Variants in CNKSR2 observed in about 807,000 individuals in gnomAD.
CNKSR2 encodes the protein connector enhancer of kinase suppressor of Ras 2, also known as CNK homolog protein 2.
CNKSR2 carries 14 observed loss-of-function variants against 84.4 expected under a neutral mutation model. The observed-to-expected ratio is 0.17, with a 90% confidence interval of 0.11 to 0.26. The LOEUF is 0.26. Among genes scored for constraint, CNKSR2 ranks in the 10% least tolerant of loss-of-function variants. The pLI is 1.00. For synonymous variants in CNKSR2, 275 were observed against 277.9 expected (o/e 0.99, Z 0.10); for missense variants, 485 against 771.2 (o/e 0.63, Z 4.40).
chrX:21,382,895 A>G (rs941316230), intron 1 of CNKSR2, among the ~76,000 whole-genome samples: 1 of 112,198 alleles, frequency 8.9e-6, no homozygotes, highest in African/African-American at 3.2e-5. Context: ...TTAAGAACAT[A>G]CGTACAGAAT....
chrX:21,443,502 G>A lies in CNKSR2; in HGVS notation c.519+2721G>A, dbSNP rs778724297. Among the ~76,000 whole-genome samples the A allele has an allele frequency of 4.5e-5, 5 of 111,258 alleles. No individual in the cohort carries two copies. In the East Asian group the frequency reaches 1.1e-3, roughly 25 times the overall value. On this transcript the variant is annotated intron_variant, in intron 4 of 21. Transcript: ENST00000379510. ...TACCTGAACTGGTCCTCTCTAAACTGTATTTATTAAAAATCTCTGCTTGCT... is the reference window on the plus strand; with the variant it reads ...TACCTGAACTGGTCCTCTCTAAACTATATTTATTAAAAATCTCTGCTTGCT...
At chrX:21,434,191 A>G in intron 3 of CNKSR2, among the ~76,000 whole-genome samples, 1 of 111,425 alleles carries the variant, frequency 9.0e-6, no homozygotes, top group Non-Finnish European at 1.9e-5. Context: ...CTCAGCCTTG[A>G]TATCTGCATT....
chrX:21,489,440 T>C (rs939429661), intron 5 of CNKSR2, among the ~76,000 whole-genome samples: 1 of 110,408 alleles, frequency 9.1e-6, no homozygotes, highest in Non-Finnish European at 1.9e-5. Context: ...GTTCCTCCTA[T>C]AGTTAAAGCA....
At chrX:21,520,878 T>C (rs181840571) in intron 9 of CNKSR2, among the ~76,000 whole-genome samples, 264 of 110,519 alleles carry the variant, frequency 2.4e-3, no homozygotes, top group Non-Finnish European at 3.0e-3. Flanking sequence ...TAGTTACTTG[T>C]ATGATTTTGT....
At chrX:21,646,177 C>A (rs749516792) in intron 20 of CNKSR2, among the ~76,000 whole-genome samples, 1 of 111,022 alleles carries the variant, frequency 9.0e-6, no homozygotes, top group African/African-American at 3.3e-5. Flanking sequence ...CTGATAGGAG[C>A]CACACTATCC....
intron 5 of CNKSR2, among the ~76,000 whole-genome samples, chrX:21,485,495 T>C (rs180968539): frequency 2.7e-5 from 3 of 110,808 alleles, no homozygotes; most frequent in Non-Finnish European, 5.7e-5. Flanking sequence ...ATAGATAGTA[T>C]AGAACAGAAT....
chrX:21,426,915 C>CCTG, intron 2 of CNKSR2: 1 of 341,623 alleles, frequency 2.9e-6, no homozygotes, highest in Non-Finnish European at 5.0e-6. Context: ...GAGTGTATGT[C>CCTG]TCATAAGCAG....
chrX:21,444,905 G>A (rs748092016), intron 4 of CNKSR2, among the ~76,000 whole-genome samples: 5 of 111,054 alleles, frequency 4.5e-5, no homozygotes, highest in Non-Finnish European at 9.5e-5. Flanking sequence ...GATTACCCAG[G>A]AATGTATCAT....
intron 8 of CNKSR2, among the ~76,000 whole-genome samples, chrX:21,515,599 A>C (rs1298045447): frequency 9.0e-6 from 1 of 111,521 alleles, no homozygotes; most frequent in Non-Finnish European, 1.9e-5. Flanking sequence ...GTGTTTCTTT[A>C]AAGCATAGTT....
At chrX:21,452,066 T>G (rs1188426867) in intron 4 of CNKSR2, among the ~76,000 whole-genome samples, 1 of 111,245 alleles carries the variant, frequency 9.0e-6, no homozygotes, top group Admixed American at 9.5e-5. Context: ...AGTCTCAATC[T>G]AATGAATGAA....
chrX:21,603,795 A>T (rs1395652043), intron 18 of CNKSR2, among the ~76,000 whole-genome samples: 1 of 112,062 alleles, frequency 8.9e-6, no homozygotes, highest in Admixed American at 9.5e-5. Context: ...CCTTAATCAC[A>T]CACAAAAATG....
intron 8 of CNKSR2, among the ~76,000 whole-genome samples, chrX:21,511,311 T>A (rs1332544197): frequency 5.4e-5 from 6 of 111,497 alleles, no homozygotes; most frequent in Non-Finnish European, 1.1e-4. Flanking sequence ...CTTTTTTGGA[T>A]GAGAGGTCAT....
At position 21,653,548 on chromosome X, in the gene CNKSR2, A is replaced by T. The variant is rs1267515701; in HGVS notation, c.*1027A>T. The T allele has an allele frequency of 3.6e-5, 4 of 110,166 alleles. No individual in the cohort carries two copies. Among genetic ancestry groups the T allele is most frequent in the Non-Finnish European group, 7.6e-5 (4 of 52,866 alleles). 9.1% of individuals were successfully genotyped at this position (110,166 alleles called of 1,213,427 possible). On this transcript the variant is annotated 3_prime_UTR_variant, in exon 22 of 22. Transcript: ENST00000379510. ...GTTTAGTTTCAGGCTGATGTGTGTTATAAAAAACAACACTGAAAAATAAAA... is the reference window on the plus strand; with the variant it reads ...GTTTAGTTTCAGGCTGATGTGTGTTTTAAAAAACAACACTGAAAAATAAAA...
chrX:21,434,814 T>A (rs2090682342), intron 3 of CNKSR2, among the ~76,000 whole-genome samples: 1 of 109,694 alleles, frequency 9.1e-6, no homozygotes, highest in Non-Finnish European at 1.9e-5. Context: ...TTAAAAAAAA[T>A]CTTTAATTTT....
intron 6 of CNKSR2, among the ~76,000 whole-genome samples, chrX:21,496,601 T>C (rs1490710490): frequency 9.0e-6 from 1 of 111,647 alleles, no homozygotes; most frequent in African/African-American, 3.2e-5. Context: ...AATAGTTCCA[T>C]ACCATGAAAT....
intron 1 of CNKSR2, among the ~76,000 whole-genome samples, chrX:21,404,081 C>T (rs2090229562): frequency 9.0e-6 from 1 of 111,646 alleles, no homozygotes; most frequent in Non-Finnish European, 1.9e-5. Flanking sequence ...GTTGAAAGAT[C>T]CAGTGTACCT....
chrX:21,563,352 G>C lies in CNKSR2; in HGVS notation c.1508G>C (p.Ser503Thr), dbSNP rs1381130395. Residue 503 changes from serine (S) to threonine (T), a missense_variant, in exon 13 of 22, where the codon AGT becomes ACT. By Grantham distance (58) the Ser-to-Thr change is moderately conservative. Around this residue, in one of 5 missense-constraint regions of CNKSR2, gnomAD observed 132 missense variants for 166.7 expected, o/e 0.79. Coordinates refer to ENST00000379510, the MANE Select transcript of CNKSR2 (RefSeq NM_014927.5). ...AAGTCAAAAAAGAAGGGTGATAAGA[G>C]TAATAGCCCAACTCACTATTCATTG... ...GKKSKKKGDK[S>T]NSPTHYSLLP... 3 of 1,208,210 alleles carry C rather than the reference G, an allele frequency of 2.5e-6. No homozygotes were observed. The highest frequency in any genetic ancestry group is 3.4e-6 in the Non-Finnish European group (3 of 893,808).
chrX:21,529,517 A>G (rs1406205194), intron 10 of CNKSR2, among the ~76,000 whole-genome samples: 1 of 111,313 alleles, frequency 9.0e-6, no homozygotes, highest in Non-Finnish European at 1.9e-5. Context: ...CAGTAAAGCA[A>G]TGCTCTTTTA....
intron 5 of CNKSR2, among the ~76,000 whole-genome samples, chrX:21,479,755 C>A (rs769147309): frequency 3.4e-4 from 37 of 110,079 alleles, no homozygotes; most frequent in Non-Finnish European, 6.3e-4. Context: ...CCACAGTTGC[C>A]AGGCAAGTGG....
Sources: gnomAD v4.1 joint callset for allele counts (sites outside exome capture counted in the v4.1 genomes callset) on GRCh38, gnomAD v4.1.1 for gene constraint, gnomAD v4.1.1 regional missense constraint, MANE v1.5 for transcripts, NCBI Gene and HGNC (gene_info 2026-07-23, HGNC 2026-07-21) for gene names.